KIAA1217: variants seen among roughly 807,000 people sequenced by gnomAD.
KIAA1217 encodes the protein KIAA1217.
In KIAA1217, 88 loss-of-function variants were observed where a neutral mutation model predicts 163.9. The observed-to-expected ratio is 0.54, with a 90% CI of 0.45 to 0.64. The LOEUF is 0.64. Among genes scored for constraint, KIAA1217 ranks in the 30% least tolerant of loss-of-function variants. The pLI is 0.00. For missense variants in KIAA1217, 2,372 were observed against 2,475.0 expected (o/e 0.96, Z 0.88); for synonymous variants, 903 against 923.1 (o/e 0.98, Z 0.39).
At chr10:23,974,177 A>C (rs1172628222) in intron 1 of KIAA1217, among the ~76,000 whole-genome samples, 1 of 152,186 alleles carries the variant, frequency 6.6e-6, no homozygotes, top group Admixed American at 6.5e-5. Context: ...AGAGGAGTGA[A>C]AGCGTGTGTT....
chr10:23,956,246 G>T (rs1011150051), intron 1 of KIAA1217, among the ~76,000 whole-genome samples: 1 of 152,090 alleles, frequency 6.6e-6, no homozygotes, highest in South Asian at 2.1e-4. Context: ...CAGTCTTTTA[G>T]GATAGCTTTG....
At chr10:24,419,050 GC>G (rs2131499310) in intron 3 of KIAA1217, among the ~76,000 whole-genome samples, 1 of 151,744 alleles carries the variant, frequency 6.6e-6, no homozygotes, top group African/African-American at 2.4e-5. Context: ...GGTGGCAAGT[GC>G]CTGTAATCCC....
intron 1 of KIAA1217, among the ~76,000 whole-genome samples, chr10:23,979,939 TTGA>T (rs1845696697): frequency 6.6e-6 from 1 of 152,234 alleles, no homozygotes; most frequent in Admixed American, 6.5e-5. Context: ...ATCATCCAGC[TTGA>T]TGATGGGCTA....
At chr10:24,215,059 G>C (rs1469914501) in intron 1 of KIAA1217, among the ~76,000 whole-genome samples, 1 of 152,236 alleles carries the variant, frequency 6.6e-6, no homozygotes, top group Admixed American at 6.5e-5. Flanking sequence ...GCCTCTGCGT[G>C]TTTGGTGTCT....
At chr10:24,449,147 G>C (rs1478503477) in intron 5 of KIAA1217, among the ~76,000 whole-genome samples, 2 of 152,142 alleles carry the variant, frequency 1.3e-5, no homozygotes, top group Non-Finnish European at 2.9e-5. Context: ...AAACACATTT[G>C]AATACAGTGG....
chr10:23,902,955 A>G (rs1250051639), intron 1 of KIAA1217, among the ~76,000 whole-genome samples: 1 of 152,088 alleles, frequency 6.6e-6, no homozygotes, highest in African/African-American at 2.4e-5. Context: ...GGGGATTCTT[A>G]ATGACAGGCA....
intron 2 of KIAA1217, among the ~76,000 whole-genome samples, chr10:24,261,547 A>G (rs778391631): frequency 4.0e-5 from 6 of 150,538 alleles, no homozygotes; most frequent in Non-Finnish European, 8.8e-5. Flanking sequence ...GACCTCTTGT[A>G]CTCTGATTTT....
chr10:23,779,325 G>A (rs370287779), intron 1 of KIAA1217, among the ~76,000 whole-genome samples: 8 of 152,142 alleles, frequency 5.3e-5, no homozygotes, highest in African/African-American at 1.9e-4. Flanking sequence ...AAAAATCCAA[G>A]CTCCTCCTTT....
chr10:24,370,604 A>T (rs535043038), intron 2 of KIAA1217, among the ~76,000 whole-genome samples: 2 of 152,082 alleles, frequency 1.3e-5, no homozygotes, highest in Non-Finnish European at 2.9e-5. Flanking sequence ...TAGAGACAGG[A>T]TCTTGCTGTG....
chr10:24,318,599 C>T (rs552465101), intron 2 of KIAA1217, among the ~76,000 whole-genome samples: 9 of 152,236 alleles, frequency 5.9e-5, no homozygotes, highest in Non-Finnish European at 2.9e-5. Flanking sequence ...ATACGCACAC[C>T]TCCCCCTCTC....
At chr10:24,094,210 C>A (rs1219221018) in intron 2 of KIAA1217, among the ~76,000 whole-genome samples, 1 of 151,998 alleles carries the variant, frequency 6.6e-6, no homozygotes, top group Non-Finnish European at 1.5e-5. Context: ...GTTCTAGATC[C>A]CTGAGGAATC....
At chr10:23,998,927 G>A (rs1260039823) in intron 1 of KIAA1217, among the ~76,000 whole-genome samples, 2 of 151,966 alleles carry the variant, frequency 1.3e-5, no homozygotes, top group Non-Finnish European at 2.9e-5. Flanking sequence ...AAGACAGAAA[G>A]AAGGCATTGT....
intron 1 of KIAA1217, among the ~76,000 whole-genome samples, chr10:23,787,885 G>C (rs2130916540): frequency 6.6e-6 from 1 of 152,044 alleles, no homozygotes; most frequent in African/African-American, 2.4e-5. Context: ...TCATTGGTAA[G>C]TCCTCTGTCA....
Position 23,695,676 on chromosome 10 carries a change from CAG to C in KIAA1217, c.-321+443_-321+444del, listed in dbSNP as rs1216696311. 1.3e-5 allele frequency among the ~76,000 whole-genome samples: 2 copies of C among 152,222 alleles called. No homozygotes were observed. Among genetic ancestry groups the C allele is most frequent in the East Asian group, 3.9e-4 (2 of 5,154 alleles). ...ATTGCTCTTTCTGATGGCTGGAAGA[CAG>C]GGGCAAGGAGAGAGAGAACCGGCCC... On this transcript the variant is annotated intron_variant, in intron 1 of 18. Coordinates refer to the KIAA1217 transcript ENST00000376462. This position sits in a 1 kb window ranked among gnomAD's most constrained non-coding sequence, Gnocchi z 4.9.
intron 4 of KIAA1217, among the ~76,000 whole-genome samples, chr10:24,437,849 T>G (rs2060174005): frequency 1.3e-5 from 2 of 149,158 alleles, no homozygotes; most frequent in African/African-American, 4.9e-5. Flanking sequence ...TACTGTTTTT[T>G]TTTTTTTTTC....
intron 1 of KIAA1217, among the ~76,000 whole-genome samples, chr10:23,760,675 T>C (rs1834214038): frequency 6.6e-6 from 1 of 152,210 alleles, no homozygotes. Flanking sequence ...GTGTGGTGGC[T>C]CATGCCTGTA....
chr10:23,921,047 T>C (rs555500772), intron 1 of KIAA1217, among the ~76,000 whole-genome samples: 1 of 152,346 alleles, frequency 6.6e-6, no homozygotes, highest in South Asian at 2.1e-4. Context: ...GAGTCCATTA[T>C]ACCTCTTTTT....
chr10:24,528,303 CTTTTTGTT>C (rs1164259645), intron 14 of KIAA1217, among the ~76,000 whole-genome samples, 184 bp downstream of exon 14: 4 of 144,134 alleles, frequency 2.8e-5, no homozygotes, highest in African/African-American at 1.0e-4. Context: ...CTATCTCTCT[CTTTTTGTT>C]TTTTTTTTTT....
intron 3 of KIAA1217, among the ~76,000 whole-genome samples, chr10:24,400,220 G>C (rs1188033090): frequency 1.3e-5 from 2 of 152,192 alleles, no homozygotes; most frequent in South Asian, 2.1e-4. Context: ...CCCTAGACAG[G>C]AACCGTGCAC....
Sources: gnomAD v4.1 joint callset for allele counts (sites outside exome capture counted in the v4.1 genomes callset) on GRCh38, gnomAD v4.1.1 for gene constraint, Gnocchi (gnomAD v3.1) non-coding constraint, MANE v1.5 for transcripts, NCBI Gene and HGNC (gene_info 2026-07-23, HGNC 2026-07-21) for gene names.